Variants in ETV6 observed in about 807,000 individuals in gnomAD.
The protein encoded by ETV6 is transcription factor ETV6.
Under a neutral mutation model 51.1 loss-of-function variants are expected in ETV6, and 16 were observed. The observed-to-expected ratio is 0.31, with a 90% CI of 0.21 to 0.48. The LOEUF (loss-of-function observed/expected upper bound fraction) is 0.48, where lower values mean the gene tolerates loss of function less well. Among genes scored for constraint, ETV6 ranks in the 20% least tolerant of loss-of-function variants. The pLI is 0.99. For synonymous variants in ETV6, 240 were observed against 224.1 expected (o/e 1.07, Z -0.64); for missense variants, 458 against 594.8 (o/e 0.77, Z 2.39).
rs58787654 is a variant in ETV6 at position 11,893,794 on chromosome 12, T to TATA, written c.*2748_*2749insATA. 6.2e-4 allele frequency: 49 copies of TATA among 79,496 alleles called. 3 individuals are homozygous for TATA. Among genetic ancestry groups the TATA allele is most frequent in the South Asian group, 9.8e-4 (2 of 2,038 alleles). 4.9% of individuals were successfully genotyped at this position (79,496 alleles called of 1,614,324 possible). A position where few individuals can be genotyped will look rare whatever the true frequency, so the allele number is the denominator to read the frequency against. ...GTGTCCATCCCCAAGATCTCTCATT[T>TATA]TATATATATATATATATATATATAT... On this transcript the variant is annotated 3_prime_UTR_variant, in exon 8 of 8. Transcript: ENST00000396373.
chr12:11,650,473 A>C (rs1327665972), intron 1 of ETV6, among the ~76,000 whole-genome samples: 1 of 101,226 alleles, frequency 9.9e-6, no homozygotes, highest in Non-Finnish European at 1.9e-5. Flanking sequence ...CCCCGTAATT[A>C]GTGCGCTTAA....
chr12:11,726,915 C>G (rs1677233053), intron 1 of ETV6, among the ~76,000 whole-genome samples: 1 of 152,236 alleles, frequency 6.6e-6, no homozygotes, highest in Non-Finnish European at 1.5e-5. Context: ...ATCTGCACAG[C>G]CTTTCAAGAT....
intron 1 of ETV6, among the ~76,000 whole-genome samples, chr12:11,685,848 A>G (rs1864618995): frequency 6.6e-6 from 1 of 152,226 alleles, no homozygotes; most frequent in Non-Finnish European, 1.5e-5. Context: ...TGAAAGAAAC[A>G]GTCTTTGCAT....
chr12:11,893,301 AG>A lies in ETV6; in HGVS notation c.*2256del. 4.3e-6 allele frequency: 1 copy of A among 232,694 alleles called. No individual in the cohort carries two copies. Among genetic ancestry groups the A allele is most frequent in the Non-Finnish European group, 8.5e-6 (1 of 117,744 alleles). 14.4% of individuals were successfully genotyped at this position (232,694 alleles called of 1,614,324 possible). A position where few individuals can be genotyped will look rare whatever the true frequency, so the allele number is the denominator to read the frequency against. On this transcript the variant is annotated 3_prime_UTR_variant, in exon 8 of 8. Coordinates refer to ENST00000396373, the MANE Select transcript of ETV6 (RefSeq NM_001987.5). ...CAGGGCATGATGTTGCTAGGATTAGAGCCTCTCAGTCTGGCCTCTTCACCCA... is the reference window on the plus strand; with the variant it reads ...CAGGGCATGATGTTGCTAGGATTAGACCTCTCAGTCTGGCCTCTTCACCCA...
chr12:11,862,664 T>C (rs186983074), intron 4 of ETV6, among the ~76,000 whole-genome samples: 1 of 152,318 alleles, frequency 6.6e-6, no homozygotes, highest in African/African-American at 2.4e-5. Context: ...GAGTATACTT[T>C]TTATAAAGAC....
rs568364613 is a variant in ETV6, at chr12:11,885,643, C to T, written c.1153-283C>T. On this transcript the variant is annotated intron_variant, in intron 6 of 7. Transcript: ENST00000396373. Reference sequence around the variant, plus strand: ...AGCGGTCTTGGGAAAAGGAAATAAGCGAGGCTGCTATGGGATCTGCTTTAT... The same window carrying T: ...AGCGGTCTTGGGAAAAGGAAATAAGTGAGGCTGCTATGGGATCTGCTTTAT... Among the ~76,000 whole-genome samples the T allele has an allele frequency of 1.5e-3, 225 of 152,282 alleles. 1 individual carries two copies. The highest frequency in any genetic ancestry group is 5.0e-3 in the African/African-American group (209 of 41,548).
chr12:11,803,652 T>C lies in ETV6; in HGVS notation c.164-35488T>C, dbSNP rs180905881. On this transcript the variant is annotated intron_variant, in intron 2 of 7. Transcript: ENST00000396373. Reference sequence around the variant, plus strand: ...CTTTAAATATAAAAATCCAAAATGGTGATTTAGTTTGGGGCACTCAGAGGA... The same window carrying C: ...CTTTAAATATAAAAATCCAAAATGGCGATTTAGTTTGGGGCACTCAGAGGA... Among the ~76,000 whole-genome samples the C allele has an allele frequency of 2.9e-3, 440 of 152,228 alleles. 2 individuals are homozygous for C. The highest frequency in any genetic ancestry group is 9.7e-3 in the African/African-American group (402 of 41,544).
intron 4 of ETV6, among the ~76,000 whole-genome samples, chr12:11,866,002 A>G (rs1156958637): frequency 6.6e-6 from 1 of 152,078 alleles, no homozygotes; most frequent in Non-Finnish European, 1.5e-5. Context: ...TTGGACACCA[A>G]TTACATGTGT....
chr12:11,842,439 C>CAG (rs1313491330), intron 3 of ETV6, among the ~76,000 whole-genome samples: 3 of 143,058 alleles, frequency 2.1e-5, no homozygotes, highest in African/African-American at 7.7e-5. Flanking sequence ...CACACACACA[C>CAG]AGTGTTATAC....
At chr12:11,861,293 C>G (rs1313383610) in intron 4 of ETV6, among the ~76,000 whole-genome samples, 6 of 152,116 alleles carry the variant, frequency 3.9e-5, no homozygotes, top group Admixed American at 6.6e-5. Context: ...TTCCCCTGAC[C>G]CAGCCTCATT....
chr12:11,770,003 A>G (rs1945218927), intron 2 of ETV6, among the ~76,000 whole-genome samples: 1 of 152,164 alleles, frequency 6.6e-6, no homozygotes, highest in Non-Finnish European at 1.5e-5. Flanking sequence ...ACAGGCTGTC[A>G]CCGGGGCAAG....
chr12:11,735,404 G>A (rs544997310), intron 1 of ETV6, among the ~76,000 whole-genome samples: 3 of 152,160 alleles, frequency 2.0e-5, no homozygotes, highest in Non-Finnish European at 4.4e-5. Flanking sequence ...TTATTGAATA[G>A]TATGGGGTGA....
rs542735191 is a variant in ETV6, at chr12:11,815,981, T to C, written c.164-23159T>C. On this transcript the variant is annotated intron_variant, in intron 2 of 7. Transcript: ENST00000396373. ...GGATGGCAGGTTATAGATGACTTCA[T>C]GCTGAAAGTGACCCGTAAGGAATAT... is the stretch of plus-strand genomic sequence containing the variant. Among the ~76,000 whole-genome samples the C allele has an allele frequency of 2.0e-5, 3 of 152,332 alleles. No homozygotes were observed. The South Asian group carries it at 6.2e-4, about 32-fold the overall frequency.
chr12:11,885,098 G>A (rs1467339374), intron 6 of ETV6, among the ~76,000 whole-genome samples: 4 of 152,212 alleles, frequency 2.6e-5, no homozygotes, highest in Admixed American at 2.6e-4. Flanking sequence ...CTGGGAGGAG[G>A]GAATGGAATT....
intron 2 of ETV6, chr12:11,768,855 T>G: frequency 2.2e-6 from 1 of 454,084 alleles, no homozygotes; most frequent in Non-Finnish European, 4.4e-6. Context: ...TCCAGCTACA[T>G]AAAGAAGGTG....
chr12:11,679,371 A>G (rs1026721140), intron 1 of ETV6, among the ~76,000 whole-genome samples: 1 of 152,254 alleles, frequency 6.6e-6, no homozygotes, highest in Non-Finnish European at 1.5e-5. Flanking sequence ...GCAGTTATGC[A>G]CAGCATAGGT....
chr12:11,723,248 G>A (rs1434583793), intron 1 of ETV6, among the ~76,000 whole-genome samples: 4 of 152,126 alleles, frequency 2.6e-5, no homozygotes, highest in Non-Finnish European at 4.4e-5. Flanking sequence ...TTGTAGGTTA[G>A]TATGACACGG....
At chr12:11,741,134 T>C (rs1865799931) in intron 1 of ETV6, among the ~76,000 whole-genome samples, 1 of 151,062 alleles carries the variant, frequency 6.6e-6, no homozygotes, top group African/African-American at 2.5e-5. Flanking sequence ...CTTCAGATTA[T>C]AATGAGTTGA....
chr12:11,677,968 C>T lies in ETV6; in HGVS notation c.33+27808C>T, dbSNP rs61607082. On this transcript the variant is annotated intron_variant, in intron 1 of 7. Transcript: ENST00000396373. ...AGTTCTCTGCTTGGACACTTCACTC[C>T]GTGCTGTCAGCACCCTTTGCTTCTG... Among the ~76,000 whole-genome samples, 13 of 152,318 alleles carry T rather than the reference C, an allele frequency of 8.5e-5. No individual in the cohort carries two copies. The East Asian group carries it at 1.9e-3, about 23-fold the overall frequency.
Sources: gnomAD v4.1 joint callset for allele counts (sites outside exome capture counted in the v4.1 genomes callset) on GRCh38, gnomAD v4.1.1 for gene constraint, MANE v1.5 for transcripts, NCBI Gene and HGNC (gene_info 2026-07-23, HGNC 2026-07-21) for gene names.